The following GATA4 variants were observed in gnomAD, a reference collection of about 807,000 sequenced individuals.
The protein encoded by GATA4 is transcription factor GATA-4.
In GATA4, 7 loss-of-function variants were observed where a neutral mutation model predicts 37.9. The observed-to-expected ratio is 0.18, with a 90% CI of 0.11 to 0.35. The LOEUF is 0.35. Ranked by LOEUF, GATA4 falls within the 10% of genes least tolerant of loss-of-function variation. The pLI is 1.00. For missense variants in GATA4, 647 were observed against 653.0 expected, an observed-to-expected ratio of 0.99 and a Z score of 0.10; for synonymous variants, 372 against 292.6, an observed-to-expected ratio of 1.27 and a Z score of -2.77.
upstream of GATA4, among the ~76,000 whole-genome samples, chr8:11,703,215 AC>A (rs1164233045): frequency 2.0e-4 from 31 of 151,976 alleles, no homozygotes; most frequent in African/African-American, 7.2e-4. Flanking sequence ...CGTGAGAGCC[AC>A]CCGCCGGCTG....
chr8:11,729,860 T>A (rs979406129), intron 2 of GATA4, among the ~76,000 whole-genome samples: 1 of 152,252 alleles, frequency 6.6e-6, no homozygotes, highest in African/African-American at 2.4e-5. Context: ...TTAGTCGTTA[T>A]ACATTTTTGG....
At position 11,753,824 on chromosome 8, in the gene GATA4, T is replaced by C. The variant is rs535998409; in HGVS notation, c.913-1222T>C. Reference sequence around the variant, plus strand: ...GCTTTTCTTTCTGTATTTGCAGGTGTGGCCTTTATCAATCCCACATGGTAG... The same window carrying C: ...GCTTTTCTTTCTGTATTTGCAGGTGCGGCCTTTATCAATCCCACATGGTAG... On this transcript the variant is annotated intron_variant, in intron 4 of 6. Coordinates refer to ENST00000532059, the MANE Select transcript of GATA4 (RefSeq NM_001308093.3). Among the ~76,000 whole-genome samples the C allele has an allele frequency of 6.2e-4, 94 of 152,338 alleles. 1 individual carries two copies. The highest frequency in any genetic ancestry group is 2.2e-3 in the African/African-American group (93 of 41,568).
chr8:11,727,659 A>G (rs1011601281), intron 2 of GATA4, among the ~76,000 whole-genome samples: 2 of 152,046 alleles, frequency 1.3e-5, no homozygotes, highest in African/African-American at 2.4e-5. Flanking sequence ...ACTGGGCAAC[A>G]TGATGAAACC....
At chr8:11,704,411 AAG>A (rs2130041548) in intron 1 of GATA4, 107 bp downstream of exon 1, 1 of 152,308 alleles carries the variant, frequency 6.6e-6, no homozygotes, top group South Asian at 2.1e-4. Flanking sequence ...GTGGGAGGAA[AAG>A]AGACGTGCGC....
intron 2 of GATA4, among the ~76,000 whole-genome samples, chr8:11,720,251 G>C (rs1224005007): frequency 6.6e-6 from 1 of 151,862 alleles, no homozygotes; most frequent in Non-Finnish European, 1.5e-5. Context: ...GTGTCTTCCG[G>C]CATGCCCCGT....
upstream of GATA4, among the ~76,000 whole-genome samples, chr8:11,691,552 T>C (rs1329491984): frequency 6.6e-6 from 1 of 152,240 alleles, no homozygotes; most frequent in Non-Finnish European, 1.5e-5. Flanking sequence ...AATGTTGGGA[T>C]AGGAAGGAAC....
upstream of GATA4, among the ~76,000 whole-genome samples, chr8:11,688,271 G>A (rs571609845): frequency 1.3e-5 from 2 of 152,270 alleles, no homozygotes; most frequent in Admixed American, 6.5e-5. Flanking sequence ...CCTGAAATAT[G>A]AAAAAGAATA....
chr8:11,754,066 C>T (rs547693762), intron 4 of GATA4, among the ~76,000 whole-genome samples: 4 of 152,240 alleles, frequency 2.6e-5, no homozygotes, highest in Admixed American at 6.5e-5. Context: ...TAGTCTCTTA[C>T]TGCTCCCCAC....
At chr8:11,735,410 G>A (rs1801405376) in intron 2 of GATA4, among the ~76,000 whole-genome samples, 1 of 152,172 alleles carries the variant, frequency 6.6e-6, no homozygotes, top group South Asian at 2.1e-4. Context: ...AGTGTCCTTT[G>A]TGTTTTTATG....
intron 2 of GATA4, among the ~76,000 whole-genome samples, chr8:11,726,343 A>G (rs892647110): frequency 2.0e-5 from 3 of 152,204 alleles, no homozygotes; most frequent in Non-Finnish European, 2.9e-5. Flanking sequence ...TGAGGTAGCA[A>G]AGGCGCCCAA....
At chr8:11,713,682 T>A (rs568077000) in intron 2 of GATA4, among the ~76,000 whole-genome samples, 1 of 151,870 alleles carries the variant, frequency 6.6e-6, no homozygotes, top group East Asian at 1.9e-4. Flanking sequence ...TAACTCTGTG[T>A]TAGTGAAGGT....
chr8:11,685,170 A>C (rs1269725358), intron 1 of GATA4, among the ~76,000 whole-genome samples: 3 of 152,250 alleles, frequency 2.0e-5, no homozygotes, highest in Non-Finnish European at 2.9e-5. Context: ...TACTAAATCC[A>C]TTACACGATC....
At chr8:11,704,635 G>C (rs1426741853) in intron 1 of GATA4, among the ~76,000 whole-genome samples, 2 of 152,230 alleles carry the variant, frequency 1.3e-5, no homozygotes, top group Admixed American at 1.3e-4. Context: ...GGCCTGGGTG[G>C]TGATGGTGGC....
intron 1 of GATA4, chr8:11,681,325 C>T (rs1011991222): frequency 1.0e-6 from 1 of 985,430 alleles, no homozygotes; most frequent in Non-Finnish European, 1.2e-6. Flanking sequence ...ACTTCTCGAC[C>T]TGCGCCCCAA....
At chr8:11,714,523 T>A (rs1300167875) in intron 2 of GATA4, among the ~76,000 whole-genome samples, 1 of 152,194 alleles carries the variant, frequency 6.6e-6, no homozygotes, top group African/African-American at 2.4e-5. Flanking sequence ...CCAAAGTTGT[T>A]TAACTTTCCG....
upstream of GATA4, among the ~76,000 whole-genome samples, chr8:11,701,832 T>A (rs1799686193): frequency 8.1e-6 from 1 of 123,508 alleles, no homozygotes; most frequent in African/African-American, 3.1e-5. Context: ...CAGCGGAAGG[T>A]GTGGGTAAAG....
intron 1 of GATA4, chr8:11,681,430 C>T: frequency 1.0e-6 from 1 of 983,968 alleles, no homozygotes; most frequent in Non-Finnish European, 1.2e-6. Context: ...GGGGCCGTAG[C>T]TACGATCCCC....
chr8:11,737,946 C>T (rs1168416855), intron 2 of GATA4, among the ~76,000 whole-genome samples: 1 of 152,008 alleles, frequency 6.6e-6, no homozygotes, highest in Non-Finnish European at 1.5e-5. Flanking sequence ...TTTGGGAGCC[C>T]GAGCCTGGCG....
At chr8:11,699,177 G>T (rs1376893045), upstream of GATA4, among the ~76,000 whole-genome samples, 1 of 151,874 alleles carries the variant, frequency 6.6e-6, no homozygotes, top group Admixed American at 6.6e-5. Context: ...GGTGATCGGT[G>T]CATGTGTGTG....
Sources: gnomAD v4.1 joint callset for allele counts (sites outside exome capture counted in the v4.1 genomes callset) on GRCh38, gnomAD v4.1.1 for gene constraint, MANE v1.5 for transcripts, NCBI Gene and HGNC (gene_info 2026-07-23, HGNC 2026-07-21) for gene names.